SNRPN: variants seen among roughly 807,000 people sequenced by gnomAD.
SNRPN encodes the protein small nuclear ribonucleoprotein-associated protein N.
A neutral mutation model predicts 25.2 loss-of-function variants in SNRPN; 7 were observed. That is an observed-to-expected ratio of 0.28 (90% CI 0.16 to 0.52). The LOEUF (loss-of-function observed/expected upper bound fraction) is 0.52. Among genes scored for constraint, SNRPN ranks in the 20% least tolerant of loss-of-function variants. SNRPN has a pLI of 0.96. For missense variants in SNRPN, 196 were observed against 322.5 expected (o/e 0.61, Z 3.00); for synonymous variants, 124 against 110.6 (o/e 1.12, Z -0.76).
At chr15:24,918,306 G>A (rs1032310479) in intron 2 of SNRPN, among the ~76,000 whole-genome samples, 3 of 140,526 alleles carry the variant, frequency 2.1e-5, no homozygotes, top group Non-Finnish European at 4.6e-5. Flanking sequence ...ACATATATAT[G>A]CAAACATATA....
At chr15:24,944,143 T>G (rs764382492) in intron 3 of SNRPN, among the ~76,000 whole-genome samples, 31 of 152,300 alleles carry the variant, frequency 2.0e-4, no homozygotes, top group Admixed American at 9.2e-4. Context: ...TCTTGCAGAA[T>G]CATGTGACCA....
At chr15:24,834,150 T>A (rs4509994) in intron 2 of SNRPN, among the ~76,000 whole-genome samples, 5 of 151,824 alleles carry the variant, frequency 3.3e-5, no homozygotes, top group Admixed American at 6.5e-5. Flanking sequence ...TGTCTCAAAC[T>A]CCTGACCTCG....
chr15:24,882,295 T>A (rs1182031494), intron 1 of SNRPN, among the ~76,000 whole-genome samples: 1 of 152,152 alleles, frequency 6.6e-6, no homozygotes, highest in Non-Finnish European at 1.5e-5. Context: ...TTTTTGAAGG[T>A]AAACATCTTA....
chr15:24,840,396 C>T (rs1035641675), intron 2 of SNRPN, among the ~76,000 whole-genome samples: 1 of 152,158 alleles, frequency 6.6e-6, no homozygotes, highest in African/African-American at 2.4e-5. Flanking sequence ...TATTTGGTGG[C>T]TGCCTGAGGC....
chr15:24,977,109 G>A (rs1296224492), intron 7 of SNRPN, 80 bp downstream of exon 7: 2 of 1,157,306 alleles, frequency 1.7e-6, no homozygotes, highest in African/African-American at 3.1e-5. Flanking sequence ...AAACCTAAGT[G>A]TATGTGTCAT....
intron 2 of SNRPN, among the ~76,000 whole-genome samples, chr15:24,888,111 A>ATTT: frequency 8.2e-6 from 1 of 121,520 alleles, no homozygotes. Flanking sequence ...ATTAGAAATG[A>ATTT]CTTTTTTTTT....
At chr15:24,833,420 C>T (rs1440817202) in intron 2 of SNRPN, among the ~76,000 whole-genome samples, 2 of 151,844 alleles carry the variant, frequency 1.3e-5, no homozygotes, top group African/African-American at 2.4e-5. Context: ...GGTGAGAATA[C>T]GTAGGTGTTA....
chr15:24,916,618 G>A (rs1484931134), intron 2 of SNRPN, among the ~76,000 whole-genome samples: 1 of 152,174 alleles, frequency 6.6e-6, no homozygotes, highest in East Asian at 1.9e-4. Context: ...TTCTACATAT[G>A]CTTCATAGTA....
At chr15:24,844,688 C>T (rs766701693) in intron 2 of SNRPN, among the ~76,000 whole-genome samples, 7 of 152,022 alleles carry the variant, frequency 4.6e-5, no homozygotes, top group Non-Finnish European at 1.0e-4. Flanking sequence ...TCATGCCCGG[C>T]TAATTTTTGT....
At chr15:24,960,382 C>T (rs2074573304) in intron 1 of SNRPN, among the ~76,000 whole-genome samples, 1 of 152,012 alleles carries the variant, frequency 6.6e-6, no homozygotes, top group African/African-American at 2.4e-5. Context: ...CTCTGTCACC[C>T]AGGCTGGTGT....
In SNRPN at chr15:24,968,291, G is replaced by A. The variant is rs920018128; in HGVS notation, c.-144+209G>A. 74 of 394,050 alleles carry A rather than the reference G, an allele frequency of 1.9e-4. No individual in the cohort carries two copies. In the East Asian group the frequency reaches 3.3e-3, roughly 17 times the overall value. 24.4% of individuals were successfully genotyped at this position (394,050 alleles called of 1,614,324 possible). A position where few individuals can be genotyped will look rare whatever the true frequency, so the allele number is the denominator to read the frequency against. On this transcript the variant is annotated intron_variant, in intron 3 of 9. Transcript: ENST00000390687. ...GTTTCTGTATTCCAGTTATTGTAGC[G>A]CATGCTTTTCAGGTAGTTTTCTTTT...
At chr15:24,935,152 G>C (rs2061140328) in intron 3 of SNRPN, among the ~76,000 whole-genome samples, 1 of 151,916 alleles carries the variant, frequency 6.6e-6, no homozygotes, top group Admixed American at 6.6e-5. Flanking sequence ...TGCCCGTATA[G>C]TCCCAGCTAC....
rs1595967022 is a variant in SNRPN at position 24,929,398 on chromosome 15, A to G, written c.-391+9274A>G. On this transcript the variant is annotated intron_variant, in intron 3 of 11. Transcript: ENST00000400097. The surrounding 1 kb of genome is among the most constrained non-coding windows in gnomAD (Gnocchi z 5.3). ...TCATCAGTTGCCAGACAAGAGGAGC[A>G]TCATCATACACACATCATAGATTTA... 6.6e-6 allele frequency among the ~76,000 whole-genome samples: 1 copy of G among 152,126 alleles called. No homozygotes were observed. The highest frequency in any genetic ancestry group is 2.4e-5 in the African/African-American group (1 of 41,420).
At chr15:24,915,915 C>T (rs566327894) in intron 2 of SNRPN, among the ~76,000 whole-genome samples, 3 of 149,458 alleles carry the variant, frequency 2.0e-5, no homozygotes, top group East Asian at 2.0e-4. Context: ...GAATAATCAG[C>T]GATATACATC....
intron 2 of SNRPN, among the ~76,000 whole-genome samples, chr15:24,844,131 AGTGTGTGTGT>A: frequency 6.7e-6 from 1 of 149,748 alleles, no homozygotes; most frequent in East Asian, 2.0e-4. Context: ...GTGTGTCTGT[AGTGTGTGTGT>A]GTGTGTGTGT....
chr15:24,846,490 G>C (rs1247186081), intron 2 of SNRPN, among the ~76,000 whole-genome samples: 2 of 152,180 alleles, frequency 1.3e-5, no homozygotes, highest in African/African-American at 4.8e-5. Flanking sequence ...CAGAGGGGTT[G>C]TAGTAGGGAA....
chr15:24,904,381 A>G (rs1031719097), intron 2 of SNRPN, among the ~76,000 whole-genome samples: 2 of 152,198 alleles, frequency 1.3e-5, no homozygotes, highest in African/African-American at 4.8e-5. Flanking sequence ...CAGGCCGGCT[A>G]CAGTGGCTAA....
rs1208685261 is a variant in SNRPN at position 24,965,745 on chromosome 15, A to G, written c.-294-2187A>G. On this transcript the variant is annotated intron_variant, in intron 2 of 9. Transcript: ENST00000390687. ...TTTTCAAATTAATATTCTGCACTCTATGAATTAAATTCTGTGTAGGCTGCC... is the reference window on the plus strand; with the variant it reads ...TTTTCAAATTAATATTCTGCACTCTGTGAATTAAATTCTGTGTAGGCTGCC... 3.3e-5 allele frequency among the ~76,000 whole-genome samples: 5 copies of G among 152,170 alleles called. No homozygotes were observed. The East Asian group carries it at 5.8e-4, about 18-fold the overall frequency.
intron 1 of SNRPN, among the ~76,000 whole-genome samples, chr15:24,858,775 T>A (rs879804122): frequency 1.3e-5 from 2 of 152,144 alleles, no homozygotes; most frequent in Admixed American, 6.6e-5. Context: ...CACTCCAGTC[T>A]GGGTGACAGA....
Sources: allele counts gnomAD v4.1 joint callset (sites outside exome capture counted in the v4.1 genomes callset), GRCh38; gene constraint gnomAD v4.1.1; non-coding constraint Gnocchi (gnomAD v3.1); transcripts MANE v1.5; gene names NCBI Gene and HGNC (gene_info 2026-07-23, HGNC 2026-07-21).